HECTD4: variants seen among roughly 807,000 people sequenced by gnomAD.
HECTD4 encodes probable E3 ubiquitin-protein ligase HECTD4.
Under a neutral mutation model 471.5 loss-of-function variants are expected in HECTD4, and 114 were observed. That is an observed-to-expected ratio of 0.24 (90% CI 0.21 to 0.28). The LOEUF is 0.28. Among genes scored for constraint, HECTD4 ranks in the 10% least tolerant of loss-of-function variants. The pLI, the probability that HECTD4 is intolerant of heterozygous loss-of-function variation, is 1.00. For missense variants in HECTD4, 3,866 were observed against 5,651.5 expected (o/e 0.68, Z 10.13); for synonymous variants, 2,012 against 2,256.0 (o/e 0.89, Z 3.07).
intron 44 of HECTD4, among the ~76,000 whole-genome samples, chr12:112,224,602 A>G (rs956920271): frequency 6.6e-6 from 1 of 152,174 alleles, no homozygotes; most frequent in Non-Finnish European, 1.5e-5. Flanking sequence ...TACTATTTAG[A>G]ATACAAATCA....
chr12:112,275,634 A>ATG (rs1016560772), intron 9 of HECTD4, among the ~76,000 whole-genome samples: 1 of 152,006 alleles, frequency 6.6e-6, no homozygotes, highest in African/African-American at 2.4e-5. Flanking sequence ...ATATATATAT[A>ATG]TATGTATTAA....
chr12:112,360,735 G>A lies in HECTD4; in HGVS notation c.177+21217C>T, dbSNP rs538327165. ...GCGGTGGCTCACGCCTGTAATTCCA[G>A]CACTTTGGGAGGCTGAGGCAGGTGG... is the stretch of plus-strand genomic sequence containing the variant. On this transcript the variant is annotated intron_variant, in intron 1 of 75. Coordinates refer to ENST00000682272, the MANE Select transcript of HECTD4 (RefSeq NM_001388303.1). Among the ~76,000 whole-genome samples the A allele has an allele frequency of 7.9e-5, 12 of 152,298 alleles. No homozygotes were observed. The South Asian group carries it at 1.4e-3, about 18-fold the overall frequency.
chr12:112,171,391 T>A, intron 67 of HECTD4, 128 bp from the exon 68 acceptor site: 1 of 1,443,230 alleles, frequency 6.9e-7, no homozygotes, highest in Non-Finnish European at 9.3e-7. Context: ...ACCCTGGAGA[T>A]GCTGTCAGTG....
intron 1 of HECTD4, among the ~76,000 whole-genome samples, chr12:112,344,826 G>A (rs1402581761): frequency 6.6e-6 from 1 of 152,202 alleles, no homozygotes; most frequent in African/African-American, 2.4e-5. Flanking sequence ...GCTGAGGCAG[G>A]AGGACTGCTT....
chr12:112,200,571 TG>T, intron 55 of HECTD4, 66 bp downstream of exon 55: 1 of 1,507,190 alleles, frequency 6.6e-7, no homozygotes, highest in Non-Finnish European at 9.1e-7. Flanking sequence ...AAATGGTACA[TG>T]GTACATGTGG....
intron 45 of HECTD4, 126 bp downstream of exon 45, chr12:112,219,260 T>C: frequency 1.8e-6 from 1 of 562,674 alleles, no homozygotes; most frequent in Non-Finnish European, 3.1e-6. Flanking sequence ...GGCATGTCAC[T>C]GCAAAAGAAT....
rs180916388 is a variant in HECTD4 at position 112,334,180 on chromosome 12, G to A, written c.178-14438C>T. ...GCCGAGATCATGCCACTGCACTCCA[G>A]CCTGGGCGACAGAGCCAGACTCCCT... On this transcript the variant is annotated intron_variant, in intron 1 of 75. Coordinates refer to ENST00000682272, the MANE Select transcript of HECTD4 (RefSeq NM_001388303.1). Among the ~76,000 whole-genome samples the A allele has an allele frequency of 1.5e-3, 220 of 151,628 alleles. 2 individuals carry two copies. Among genetic ancestry groups the A allele is most frequent in the African/African-American group, 4.8e-3 (200 of 41,284 alleles).
intron 67 of HECTD4, among the ~76,000 whole-genome samples, chr12:112,172,170 T>C (rs1205569462): frequency 1.1e-4 from 16 of 152,244 alleles, no homozygotes; most frequent in Admixed American, 9.8e-4. Context: ...CTCAAAGTGC[T>C]GGGATTACAG....
At chr12:112,380,811 C>T (rs911307905) in intron 1 of HECTD4, among the ~76,000 whole-genome samples, 1 of 152,134 alleles carries the variant, frequency 6.6e-6, no homozygotes, top group Non-Finnish European at 1.5e-5. Flanking sequence ...CAATGTGATC[C>T]GATCACTGCC....
chr12:112,206,524 T>G (rs2032587126), intron 52 of HECTD4, among the ~76,000 whole-genome samples: 1 of 147,666 alleles, frequency 6.8e-6, no homozygotes, highest in African/African-American at 2.5e-5. Context: ...TGGGTGTTGA[T>G]AGAATCTGCT....
chr12:112,357,523 C>T (rs2036363712), intron 1 of HECTD4, among the ~76,000 whole-genome samples: 2 of 152,126 alleles, frequency 1.3e-5, no homozygotes, highest in Admixed American at 6.6e-5. Flanking sequence ...AACAAACAAA[C>T]AAACTACTAA....
At chr12:112,219,934 A>T (rs78152893) in intron 44 of HECTD4, among the ~76,000 whole-genome samples, 2,337 of 152,242 alleles carry the variant, frequency 0.015, 68 homozygotes, top group African/African-American at 0.053. Flanking sequence ...ACCCCGAGAC[A>T]TCTTTGTCTT....
chr12:112,313,945 C>T (rs1427094261), intron 3 of HECTD4, among the ~76,000 whole-genome samples: 1 of 152,104 alleles, frequency 6.6e-6, no homozygotes. Context: ...GAGTAGTTAT[C>T]TTTGGGTAAT....
Position 112,208,628 on chromosome 12 carries a change from A to C in HECTD4, c.7870T>G (p.Tyr2624Asp). Residue 2624 changes from tyrosine to aspartate, a missense_variant and splice_region_variant, in exon 51 of 76, where the codon TAT (tyrosine) becomes GAT (aspartate). This residue lies in a region of HECTD4 where 266 missense variants were observed against 441.6 expected (regional missense o/e 0.60). Coordinates refer to ENST00000682272, the MANE Select transcript of HECTD4 (RefSeq NM_001388303.1). ...TAATGACAGGAGGTGTCACTATCAT[A>C]TTCTGTAACAGAGCACAAGGACAGC... ...IAAVATAQQQYDSDTSCHYKV... is the reference protein window; with the variant it reads ...IAAVATAQQQDDSDTSCHYKV... 6.4e-7 allele frequency: 1 copy of C among 1,571,744 alleles called. No homozygotes were observed.
chr12:112,306,354 A>C (rs1393407963), intron 6 of HECTD4, 120 bp from the exon 7 acceptor site: 2 of 784,476 alleles, frequency 2.5e-6, no homozygotes, highest in Non-Finnish European at 3.5e-6. Context: ...TCTGGTCAAA[A>C]TAAAATGGAT....
intron 1 of HECTD4, among the ~76,000 whole-genome samples, chr12:112,342,737 T>TCAAA (rs2036075156): frequency 6.6e-6 from 1 of 152,226 alleles, no homozygotes; most frequent in Non-Finnish European, 1.5e-5. Context: ...TGAGATCTGA[T>TCAAA]TAAATTTTTG....
intron 1 of HECTD4, among the ~76,000 whole-genome samples, chr12:112,371,049 A>T (rs1259645383): frequency 2.6e-5 from 4 of 152,208 alleles, no homozygotes; most frequent in African/African-American, 7.2e-5. Context: ...GTACTTTCAT[A>T]ATTAACACCA....
Position 112,195,079 on chromosome 12 carries a change from A to G in HECTD4, c.8568-13T>C. 2 of 1,580,432 alleles carry G rather than the reference A, an allele frequency of 1.3e-6. No individual in the cohort carries two copies. The highest frequency in any genetic ancestry group is 1.7e-6 in the Non-Finnish European group (2 of 1,164,604). The stretch of plus-strand genomic sequence containing the variant: ...GCGCAGCAGCTCCCTGCAAGGGAAA[A>G]GGTGGGTGAGATACTCAAAGCCCTG... On this transcript the variant is annotated splice_polypyrimidine_tract_variant and intron_variant, in intron 55 of 75. Coordinates refer to ENST00000682272, the MANE Select transcript of HECTD4 (RefSeq NM_001388303.1).
Position 112,341,135 on chromosome 12 carries a change from T to C in HECTD4, c.178-21393A>G, listed in dbSNP as rs181495574. Among the ~76,000 whole-genome samples the C allele has an allele frequency of 7.9e-5, 12 of 152,336 alleles. No homozygotes were observed. The East Asian group carries it at 2.1e-3, about 27-fold the overall frequency. On this transcript the variant is annotated intron_variant, in intron 1 of 75. Coordinates refer to ENST00000682272, the MANE Select transcript of HECTD4 (RefSeq NM_001388303.1). ...GCCAGAGAACTTGGCACATAATAGA[T>C]GCTAGACAAATATTTACTGAATGAG...
Sources: allele counts gnomAD v4.1 joint callset (sites outside exome capture counted in the v4.1 genomes callset), GRCh38; gene constraint gnomAD v4.1.1; regional missense constraint gnomAD v4.1.1; transcripts MANE v1.5; gene names NCBI Gene and HGNC (gene_info 2026-07-23, HGNC 2026-07-21).